The following SPATA12 variants were observed in gnomAD, a reference collection of about 807,000 sequenced individuals.
The protein encoded by SPATA12 is spermatogenesis-associated protein 12.
For synonymous variants in SPATA12, 85 were observed against 89.2 expected (o/e 0.95, Z 0.26); for missense variants, 219 against 226.4 (o/e 0.97, Z 0.21).
chr3:57,067,267 C>T (rs1035849356), intron 1 of SPATA12, among the ~76,000 whole-genome samples: 5 of 151,620 alleles, frequency 3.3e-5, no homozygotes, highest in African/African-American at 4.8e-5. Context: ...CTGGCTAACA[C>T]GGTGAAACCC....
chr3:57,073,608 A>G lies in SPATA12; in HGVS notation c.-87A>G. ...AACAGTGCACTCAGAGCCAGGTTGCAAGAGTGCTGCATGCTCCTCAGGGAT... is the reference window on the plus strand; with the variant it reads ...AACAGTGCACTCAGAGCCAGGTTGCGAGAGTGCTGCATGCTCCTCAGGGAT... On this transcript the variant is annotated 5_prime_UTR_variant, in exon 2 of 2. Transcript: ENST00000334325. 6.7e-7 allele frequency: 1 copy of G among 1,489,574 alleles called. No homozygotes were observed. The highest frequency in any genetic ancestry group is 8.9e-7 in the Non-Finnish European group (1 of 1,122,750). 92.3% of individuals were successfully genotyped at this position (1,489,574 alleles called of 1,614,324 possible). A position where few individuals can be genotyped will look rare whatever the true frequency, so the allele number is the denominator to read the frequency against.
intron 1 of SPATA12, 34 bp downstream of exon 1, chr3:57,060,820 C>T (rs1385775245): frequency 1.3e-4 from 20 of 150,196 alleles, no homozygotes; most frequent in Non-Finnish European, 2.1e-4. Flanking sequence ...ACCCCCACCC[C>T]GAAACACACA....
Position 57,074,051 on chromosome 3 carries a change from G to T in SPATA12, c.357G>T (p.Glu119Asp). The change falls in exon 2 of 2, where the codon GAG becomes GAT. Residue 119 changes from glutamate (E) to aspartate (D), a missense_variant. Glu to Asp is a conservative substitution (Grantham distance 45). Transcript: ENST00000334325. ...TCCTGATACAGCAAGGCAGTTGTGA[G>T]CAAGTTATTCATAACTCTACACCTC... ...PALLIQQGSC[E>D]QVIHNSTPQF... 1 of 1,614,202 alleles carries T rather than the reference G, an allele frequency of 6.2e-7. No individual in the cohort carries two copies. The highest frequency in any genetic ancestry group is 8.5e-7 in the Non-Finnish European group (1 of 1,180,016).
intron 1 of SPATA12, among the ~76,000 whole-genome samples, chr3:57,063,005 G>T (rs1020729058): frequency 6.6e-6 from 1 of 152,190 alleles, no homozygotes; most frequent in Non-Finnish European, 1.5e-5. Flanking sequence ...GATAACGATA[G>T]TGTAAGGAGA....
chr3:57,069,755 C>T (rs2107392408), intron 1 of SPATA12, among the ~76,000 whole-genome samples: 1 of 152,298 alleles, frequency 6.6e-6, no homozygotes, highest in South Asian at 2.1e-4. Context: ...AGCTATCCTC[C>T]CACCTTAGCC....
chr3:57,065,559 G>A (rs1705482698), intron 1 of SPATA12, among the ~76,000 whole-genome samples: 1 of 152,198 alleles, frequency 6.6e-6, no homozygotes, highest in Non-Finnish European at 1.5e-5. Context: ...CCGTATGCAT[G>A]TGCTAAAAAA....
At chr3:57,065,550 C>T (rs565951614) in intron 1 of SPATA12, among the ~76,000 whole-genome samples, 2 of 152,192 alleles carry the variant, frequency 1.3e-5, no homozygotes, top group African/African-American at 2.4e-5. Flanking sequence ...TCTGCACTAC[C>T]GTATGCATGT....
intron 1 of SPATA12, among the ~76,000 whole-genome samples, chr3:57,062,288 A>G (rs775490439): frequency 1.3e-5 from 2 of 152,160 alleles, no homozygotes; most frequent in Non-Finnish European, 2.9e-5. Flanking sequence ...CTTCTCTGCC[A>G]CTTCTGAGTG....
intron 1 of SPATA12, among the ~76,000 whole-genome samples, chr3:57,066,300 C>T (rs1288232990): frequency 1.3e-5 from 2 of 151,162 alleles, no homozygotes; most frequent in African/African-American, 4.9e-5. Context: ...CAGAGTCTGA[C>T]TCTGTCACCC....
chr3:57,074,006 A>G lies in SPATA12; in HGVS notation c.312A>G (p.Arg104=), dbSNP rs1706081480. The change falls in exon 2 of 2, where the codon AGA becomes AGG. Residue 104 remains arginine, a synonymous_variant. Transcript: ENST00000334325. ...IAVSQINLLG[R]PSSPPALLIQ... ...TATCCCAAATAAATCTTCTGGGAAGACCCTCTTCACCTCCAGCTCTCCTGA... is the reference window on the plus strand; with the variant it reads ...TATCCCAAATAAATCTTCTGGGAAGGCCCTCTTCACCTCCAGCTCTCCTGA... The G allele has an allele frequency of 1.9e-6, 3 of 1,613,982 alleles. No homozygotes were observed. Among genetic ancestry groups the G allele is most frequent in the Non-Finnish European group, 2.5e-6 (3 of 1,179,966 alleles).
chr3:57,073,485 A>G lies in SPATA12; in HGVS notation c.-210A>G. 1 of 687,692 alleles carries G rather than the reference A, an allele frequency of 1.5e-6. No homozygotes were observed. The highest frequency in any genetic ancestry group is 2.9e-5 in the East Asian group (1 of 34,024). 42.6% of individuals were successfully genotyped at this position (687,692 alleles called of 1,614,324 possible). On this transcript the variant is annotated 5_prime_UTR_variant, in exon 2 of 2. It removes an upstream start codon present in the reference 5' UTR. Transcript: ENST00000334325. ...AAACAGCAGAAGCAAAGATGTGAAC[A>G]TGGGAAAACCTCTGCAGTATCTGGG...
intron 1 of SPATA12, among the ~76,000 whole-genome samples, chr3:57,072,829 G>A (rs1029377895): frequency 2.0e-5 from 3 of 151,972 alleles, no homozygotes; most frequent in Admixed American, 6.6e-5. Flanking sequence ...GGTGGATCAC[G>A]AGGTCAGGAG....
At chr3:57,065,249 G>A (rs1482429444) in intron 1 of SPATA12, among the ~76,000 whole-genome samples, 1 of 152,180 alleles carries the variant, frequency 6.6e-6, no homozygotes, top group East Asian at 1.9e-4. Flanking sequence ...ATAACTTGAG[G>A]TCAGGAGTTC....
At chr3:57,061,171 C>T (rs183564797) in intron 1 of SPATA12, among the ~76,000 whole-genome samples, 155 of 152,284 alleles carry the variant, frequency 1.0e-3, no homozygotes, top group African/African-American at 3.2e-3. Context: ...TGTATTAATA[C>T]TTCTCTCTCT....
chr3:57,073,227 G>A (rs558869867), intron 1 of SPATA12, 139 bp from the exon 2 acceptor site: 1 of 153,320 alleles, frequency 6.5e-6, no homozygotes, highest in East Asian at 1.9e-4. Context: ...GGATGGGGAA[G>A]GTGGAATTTT....
At chr3:57,065,544 CACTACCGTATGCATGTGCTAAAAA>C (rs1168221944) in intron 1 of SPATA12, among the ~76,000 whole-genome samples, 2 of 152,140 alleles carry the variant, frequency 1.3e-5, no homozygotes, top group African/African-American at 4.8e-5. Flanking sequence ...GTGATATCTG[CACTACCGTATGCATGTGCTAAAAA>C]ACAGACTGGG....
In SPATA12 at chr3:57,073,581, G is replaced by A; in HGVS notation, c.-114G>A. 1.4e-6 allele frequency: 2 copies of A among 1,449,732 alleles called. No individual in the cohort carries two copies. The highest frequency in any genetic ancestry group is 9.1e-7 in the Non-Finnish European group (1 of 1,104,082). 89.8% of individuals were successfully genotyped at this position (1,449,732 alleles called of 1,614,324 possible). A position where few individuals can be genotyped will look rare whatever the true frequency, so the allele number is the denominator to read the frequency against. ...GGTGGGGTGTGGCTGAAGGTGAATT[G>A]GAACAGTGCACTCAGAGCCAGGTTG... On this transcript the variant is annotated 5_prime_UTR_variant, in exon 2 of 2. It introduces an in-frame stop codon into an upstream open reading frame of the 5' UTR. Coordinates refer to ENST00000334325, the MANE Select transcript of SPATA12 (RefSeq NM_181727.2).
rs1444196367 is a variant in SPATA12, at chr3:57,073,527, C to T, written c.-168C>T. 2 of 1,161,258 alleles carry T rather than the reference C, an allele frequency of 1.7e-6. No individual in the cohort carries two copies. Among genetic ancestry groups the T allele is most frequent in the South Asian group, 1.7e-5 (1 of 58,670 alleles). 71.9% of individuals were successfully genotyped at this position (1,161,258 alleles called of 1,614,324 possible). On this transcript the variant is annotated 5_prime_UTR_variant, in exon 2 of 2. Transcript: ENST00000334325. ...GTATCTGGGTGACTGTGGGGTTTGG[C>T]TCTGTTTGAGCACCCCGGGATGATT... is the stretch of plus-strand genomic sequence containing the variant.
chr3:57,070,810 T>C (rs1238696431), intron 1 of SPATA12, among the ~76,000 whole-genome samples: 1 of 151,024 alleles, frequency 6.6e-6, no homozygotes, highest in East Asian at 1.9e-4. Context: ...AATAAATAAA[T>C]AAAAATTAAA....
Sources: allele counts gnomAD v4.1 joint callset (sites outside exome capture counted in the v4.1 genomes callset), GRCh38; gene constraint gnomAD v4.1.1; transcripts MANE v1.5; gene names NCBI Gene and HGNC (gene_info 2026-07-23, HGNC 2026-07-21).